MMP11: variants seen among roughly 807,000 people sequenced by gnomAD.
MMP11 encodes the protein matrix metallopeptidase 11.
MMP11 carries 26 observed loss-of-function variants against 49.5 expected under a neutral mutation model. The observed-to-expected ratio is 0.52, with a 90% CI of 0.38 to 0.73. The LOEUF (loss-of-function observed/expected upper bound fraction) is 0.73. Among genes scored for constraint, MMP11 ranks in the 30% least tolerant of loss-of-function variants. MMP11 has a pLI of 0.00. For missense variants in MMP11, 624 were observed against 671.2 expected (o/e 0.93, Z 0.78); for synonymous variants, 265 against 282.3 (o/e 0.94, Z 0.62).
Position 23,780,468 on chromosome 22 carries a change from G to C in MMP11, c.448G>C (p.Glu150Gln). 1 of 1,614,032 alleles carries C rather than the reference G, an allele frequency of 6.2e-7. No homozygotes were observed. Among genetic ancestry groups the C allele is most frequent in the Non-Finnish European group, 8.5e-7 (1 of 1,180,026 alleles). The change falls in exon 3 of 8, where the codon GAG (glutamate) becomes CAG (glutamine). Residue 150 changes from glutamate to glutamine, a missense_variant. Glu to Gln is a conservative substitution (Grantham distance 29). Transcript: ENST00000215743. The surrounding 1 kb of genome is among the most constrained non-coding windows in gnomAD (Gnocchi z 4.6). ...GCCACTCACCTTTACTGAGGTGCAC[G>C]AGGGCCGTGCTGACATCATGATCGA... The part of the protein sequence containing the change: ...VTPLTFTEVH[E>Q]GRADIMIDFA...
rs1927612593 is a variant in MMP11, at chr22:23,781,169, A to G, written c.859-24A>G. 1.1e-5 allele frequency: 17 copies of G among 1,610,096 alleles called. No homozygotes were observed. The East Asian group carries it at 3.8e-4, about 36-fold the overall frequency. On this transcript the variant is annotated intron_variant, in intron 5 of 7. Transcript: ENST00000215743. ...TGTGACTGCAGCATATGCCCTCAGCATGTGTCCCTCTCTCCCACCCCAGCC... is the reference window on the plus strand; with the variant it reads ...TGTGACTGCAGCATATGCCCTCAGCGTGTGTCCCTCTCTCCCACCCCAGCC...
chr22:23,782,139 GTCTGTGGT>G, intron 6 of MMP11, 79 bp from the exon 7 acceptor site: 2 of 1,536,460 alleles, frequency 1.3e-6, no homozygotes, highest in Non-Finnish European at 1.8e-6. Flanking sequence ...GGCTGGGAGA[GTCTGTGGT>G]AGGGGTCAAG....
Position 23,780,074 on chromosome 22 carries a change from C to A in MMP11, c.339-285C>A. The A allele has an allele frequency of 2.0e-6, 1 of 488,750 alleles. No individual in the cohort carries two copies. Among genetic ancestry groups the A allele is most frequent in the Non-Finnish European group, 3.7e-6 (1 of 270,036 alleles). The allele number at this position is 488,750 out of a possible 1,614,324, so 30.3% of individuals were successfully genotyped here. ...GGGGCTCAAGGAACCAAGGTGTCCC[C>A]ACAGTAAGTGGCACTGTCAGGTCTA... is the stretch of plus-strand genomic sequence containing the variant. On this transcript the variant is annotated intron_variant, in intron 2 of 7. Coordinates refer to ENST00000215743, the MANE Select transcript of MMP11 (RefSeq NM_005940.5). The surrounding 1 kb of genome is among the most constrained non-coding windows in gnomAD (Gnocchi z 4.6).
chr22:23,783,388 G>T, intron 7 of MMP11, 23 bp from the exon 8 acceptor site: 2 of 1,613,280 alleles, frequency 1.2e-6, no homozygotes, highest in Admixed American at 1.7e-5. Flanking sequence ...GCTCGCCCAG[G>T]CTTGACCACC....
chr22:23,780,919 C>A lies in MMP11; in HGVS notation c.677C>A (p.Thr226Lys), dbSNP rs1306790667. ...GGCCACGTGCTGGGGCTGCAGCACA[C>A]AACAGCAGCCAAGGCCCTGATGTCC... is the stretch of plus-strand genomic sequence containing the variant. ...EFGHVLGLQHTTAAKALMSAF... is the reference protein window; with the variant it reads ...EFGHVLGLQHKTAAKALMSAF... Residue 226 changes from threonine to lysine, a missense_variant, in exon 5 of 8, where the codon ACA (threonine) becomes AAA (lysine). By Grantham distance (78) the Thr-to-Lys change is moderately conservative. Coordinates refer to ENST00000215743, the MANE Select transcript of MMP11 (RefSeq NM_005940.5). This position sits in a 1 kb window ranked among gnomAD's most constrained non-coding sequence, Gnocchi z 4.6. The A allele has an allele frequency of 6.2e-7, 1 of 1,613,960 alleles. No homozygotes were observed.
At chr22:23,781,460 T>G (rs878875851) in intron 6 of MMP11, 51 bp downstream of exon 6, 1 of 1,507,726 alleles carries the variant, frequency 6.6e-7, no homozygotes, top group South Asian at 1.2e-5. Context: ...GCCAGGAATG[T>G]TATGGCCAAG....
chr22:23,780,054 T>G lies in MMP11; in HGVS notation c.339-305T>G. On this transcript the variant is annotated intron_variant, in intron 2 of 7. Transcript: ENST00000215743. This position sits in a 1 kb window ranked among gnomAD's most constrained non-coding sequence, Gnocchi z 4.6. ...TGGGGGCCTGGGAACCAACAGGGGC[T>G]CAAGGAACCAAGGTGTCCCCACAGT... 1 of 416,312 alleles carries G rather than the reference T, an allele frequency of 2.4e-6. No homozygotes were observed. The highest frequency in any genetic ancestry group is 4.4e-6 in the Non-Finnish European group (1 of 227,426). 25.8% of individuals were successfully genotyped at this position (416,312 alleles called of 1,614,324 possible).
At chr22:23,773,320 A>G (rs1927301498) in intron 1 of MMP11, among the ~76,000 whole-genome samples, 1 of 152,152 alleles carries the variant, frequency 6.6e-6, no homozygotes, top group Non-Finnish European at 1.5e-5. Flanking sequence ...AGGGCCCCCT[A>G]TTCATCGCAG....
At chr22:23,774,745 T>TA (rs1267887348) in intron 1 of MMP11, among the ~76,000 whole-genome samples, 3 of 151,900 alleles carry the variant, frequency 2.0e-5, no homozygotes, top group Admixed American at 2.0e-4. Flanking sequence ...TCAGAAGGCA[T>TA]AGCTATGATT....
At position 23,780,465 on chromosome 22, in the gene MMP11, C is replaced by T; in HGVS notation, c.445C>T (p.His149Tyr). ...GACGCCACTCACCTTTACTGAGGTG[C>T]ACGAGGGCCGTGCTGACATCATGAT... ...DVTPLTFTEV[H>Y]EGRADIMIDF... The change falls in exon 3 of 8, where the codon CAC (histidine) becomes TAC (tyrosine). Residue 149 changes from histidine to tyrosine, a missense_variant. Coordinates refer to ENST00000215743, the MANE Select transcript of MMP11 (RefSeq NM_005940.5). This position sits in a 1 kb window ranked among gnomAD's most constrained non-coding sequence, Gnocchi z 4.6. The T allele has an allele frequency of 6.2e-7, 1 of 1,614,048 alleles. No individual in the cohort carries two copies.
Position 23,781,181 on chromosome 22 carries a change from C to T in MMP11, c.859-12C>T, listed in dbSNP as rs981105542. 5 of 1,610,738 alleles carry T rather than the reference C, an allele frequency of 3.1e-6. No homozygotes were observed. In the African/African-American group the frequency reaches 5.3e-5, roughly 17 times the overall value. On this transcript the variant is annotated splice_polypyrimidine_tract_variant and intron_variant, in intron 5 of 7. Transcript: ENST00000215743. ...ATATGCCCTCAGCATGTGTCCCTCT[C>T]TCCCACCCCAGCCAGACGCCCCGCC...
chr22:23,781,442 T>A, intron 6 of MMP11, 33 bp downstream of exon 6: 1 of 1,542,042 alleles, frequency 6.5e-7, no homozygotes, highest in Non-Finnish European at 8.8e-7. Flanking sequence ...CTCGAGAGAC[T>A]TCCCAGAGCC....
At chr22:23,782,719 C>G in intron 7 of MMP11, 1 of 597,128 alleles carries the variant, frequency 1.7e-6, no homozygotes, top group Non-Finnish European at 3.0e-6. Flanking sequence ...TCAGCCACAG[C>G]CAGTAGAACA....
Position 23,780,686 on chromosome 22 carries a change from A to G in MMP11, c.587A>G (p.Asp196Gly). The G allele has an allele frequency of 6.4e-7, 1 of 1,569,184 alleles. No homozygotes were observed. Residue 196 changes from aspartate (D) to glycine (G), a missense_variant, in exon 4 of 8, where the codon GAT (aspartate) becomes GGT (glycine). Transcript: ENST00000215743. The surrounding 1 kb of genome is among the most constrained non-coding windows in gnomAD (Gnocchi z 4.6). ...GAAGGGGATGTCCACTTCGACTATG[A>G]TGAGACCTGGACTATCGGGGATGAC... ...HREGDVHFDY[D>G]ETWTIGDDQG...
chr22:23,783,357 C>A, intron 7 of MMP11, 54 bp from the exon 8 acceptor site: 1 of 1,601,968 alleles, frequency 6.2e-7, no homozygotes, highest in Admixed American at 1.7e-5. Flanking sequence ...GCCTGACAGG[C>A]AGGAGTAGGG....
rs1420686554 is a variant in MMP11, at chr22:23,780,948, T to G, written c.706T>G (p.Phe236Val). The change falls in exon 5 of 8, where the codon TTC (phenylalanine) becomes GTC (valine). Residue 236 changes from phenylalanine (F) to valine (V), a missense_variant. Phe to Val is a conservative substitution (Grantham distance 50). Coordinates refer to ENST00000215743, the MANE Select transcript of MMP11 (RefSeq NM_005940.5). This position sits in a 1 kb window ranked among gnomAD's most constrained non-coding sequence, Gnocchi z 4.6. ...AGCAGCCAAGGCCCTGATGTCCGCC[T>G]TCTACACCTTTCGCTACCCACTGAG... ...TTAAKALMSA[F>V]YTFRYPLSLS... 5 of 1,613,858 alleles carry G rather than the reference T, an allele frequency of 3.1e-6. No homozygotes were observed. Among genetic ancestry groups the G allele is most frequent in the Non-Finnish European group, 4.2e-6 (5 of 1,180,014 alleles).
chr22:23,781,276 C>CTT lies in MMP11; in HGVS notation c.944_945dup (p.Val316LeufsTer69), dbSNP rs1196991134. On this transcript the variant is annotated frameshift_variant, in exon 6 of 8. Coordinates refer to ENST00000215743, the MANE Select transcript of MMP11 (RefSeq NM_005940.5). LOFTEE classifies it high-confidence loss of function. ...GCGAGCTCTTTTTCTTCAAAGCGGG[C>CTT]TTTGTGTGGCGCCTCCGTGGGGGCC... 3.7e-6 allele frequency: 6 copies of CTT among 1,612,014 alleles called. No homozygotes were observed. In the African/African-American group the frequency reaches 8.0e-5, roughly 22 times the overall value.
At position 23,782,445 on chromosome 22, in the gene MMP11, T is replaced by G; in HGVS notation, c.1295T>G (p.Val432Gly). The G allele has an allele frequency of 6.2e-7, 1 of 1,613,176 alleles. No individual in the cohort carries two copies. Among genetic ancestry groups the G allele is most frequent in the Non-Finnish European group, 8.5e-7 (1 of 1,179,824 alleles). The change falls in exon 7 of 8, where the codon GTG becomes GGG. Residue 432 changes from valine (V) to glycine (G), a missense_variant. Coordinates refer to ENST00000215743, the MANE Select transcript of MMP11 (RefSeq NM_005940.5). ...VPRRATDWRG[V>G]PSEIDAAFQD... ...CGCAGGGCCACTGACTGGAGAGGGG[T>G]GCCCTCTGAGATCGACGCTGCCTTC...
At chr22:23,775,545 A>G (rs1326282190) in intron 1 of MMP11, among the ~76,000 whole-genome samples, 1 of 152,216 alleles carries the variant, frequency 6.6e-6, no homozygotes, top group Non-Finnish European at 1.5e-5. Context: ...CATGGGCTCT[A>G]AAAAAATAAT....
Sources: gnomAD v4.1 joint callset for allele counts (sites outside exome capture counted in the v4.1 genomes callset) on GRCh38, gnomAD v4.1.1 for gene constraint, Gnocchi (gnomAD v3.1) non-coding constraint, MANE v1.5 for transcripts, NCBI Gene and HGNC (gene_info 2026-07-23, HGNC 2026-07-21) for gene names.